Variants in TRAPPC9 observed in about 807,000 individuals in gnomAD.
TRAPPC9 encodes IKK2 binding protein.
In TRAPPC9, 83 loss-of-function variants were observed where a neutral mutation model predicts 124.0. The ratio of observed to expected loss-of-function variants is 0.67; its 90% CI spans 0.56 to 0.80. TRAPPC9 has a LOEUF of 0.80. Among genes scored for constraint, TRAPPC9 ranks in the 30% least tolerant of loss-of-function variants. The pLI is 0.00. For missense variants in TRAPPC9, 1,302 were observed against 1,508.3 expected (o/e 0.86, Z 2.27); for synonymous variants, 638 against 617.5 (o/e 1.03, Z -0.49).
intron 5 of TRAPPC9, among the ~76,000 whole-genome samples, chr8:140,422,195 T>C (rs1162810703): frequency 6.6e-6 from 1 of 151,442 alleles, no homozygotes; most frequent in Non-Finnish European, 1.5e-5. Flanking sequence ...TCCCCATTTA[T>C]AGACTAGGGA....
intron 16 of TRAPPC9, among the ~76,000 whole-genome samples, chr8:140,223,671 A>G (rs1463047332): frequency 6.6e-6 from 1 of 152,168 alleles, no homozygotes; most frequent in African/African-American, 2.4e-5. Context: ...ACTTAGGCCC[A>G]TGGCCCTATG....
chr8:140,343,502 C>T (rs768812338), intron 9 of TRAPPC9, among the ~76,000 whole-genome samples: 26 of 152,160 alleles, frequency 1.7e-4, no homozygotes, highest in Non-Finnish European at 2.8e-4. Context: ...CGCGAAAGGA[C>T]GCAGAATTCC....
At chr8:139,939,730 C>T (rs777549513) in intron 19 of TRAPPC9, among the ~76,000 whole-genome samples, 1 of 152,236 alleles carries the variant, frequency 6.6e-6, no homozygotes. Context: ...CTGGTCACAT[C>T]TGATCATGGC....
intron 17 of TRAPPC9, among the ~76,000 whole-genome samples, chr8:140,056,323 T>G (rs1842286975): frequency 6.6e-6 from 1 of 151,754 alleles, no homozygotes; most frequent in Non-Finnish European, 1.5e-5. Flanking sequence ...GGAGGAAGAA[T>G]GGCTTAAGTT....
chr8:140,402,521 C>G (rs2069314105), intron 6 of TRAPPC9, among the ~76,000 whole-genome samples: 1 of 152,050 alleles, frequency 6.6e-6, no homozygotes, highest in African/African-American at 2.4e-5. Flanking sequence ...TGGTAAAACC[C>G]CATCTCTACA....
rs1471984538 is a variant in TRAPPC9 at position 140,097,486 on chromosome 8, T to C, written c.2557-73407A>G. 6.6e-6 allele frequency: 1 copy of C among 152,188 alleles called. No homozygotes were observed. Among genetic ancestry groups the C allele is most frequent in the Non-Finnish European group, 1.5e-5 (1 of 68,098 alleles). The allele number at this position is 152,188 out of a possible 1,614,324, so 9.4% of individuals were successfully genotyped here. A position where few individuals can be genotyped will look rare whatever the true frequency, so the allele number is the denominator to read the frequency against. ...GCCTGTGTTGCCAGTCGCAGGGTAA[T>C]ACACTCGCCTGCATCGTGGGTGCCC... On this transcript the variant is annotated intron_variant, in intron 17 of 22. Coordinates refer to ENST00000438773, the MANE Select transcript of TRAPPC9 (RefSeq NM_001160372.4). The surrounding 1 kb of genome is among the most constrained non-coding windows in gnomAD (Gnocchi z 4.2).
chr8:139,862,641 C>T (rs775725192), intron 21 of TRAPPC9, among the ~76,000 whole-genome samples: 27 of 152,244 alleles, frequency 1.8e-4, no homozygotes, highest in Non-Finnish European at 2.2e-4. Context: ...ACGTGTGCTA[C>T]CAGACCTCTC....
chr8:139,751,870 C>T (rs542197932), intron 21 of TRAPPC9, among the ~76,000 whole-genome samples: 3 of 151,840 alleles, frequency 2.0e-5, no homozygotes, highest in African/African-American at 7.3e-5. Flanking sequence ...CATCCACTCA[C>T]CATCTACCCA....
At chr8:139,845,335 T>C (rs1465785688) in intron 21 of TRAPPC9, among the ~76,000 whole-genome samples, 1 of 152,154 alleles carries the variant, frequency 6.6e-6, no homozygotes, top group African/African-American at 2.4e-5. Context: ...TGTGCTCCAC[T>C]GCATTCCTGG....
intron 21 of TRAPPC9, among the ~76,000 whole-genome samples, chr8:139,811,604 CG>C (rs1282468963): frequency 6.6e-6 from 1 of 152,182 alleles, no homozygotes; most frequent in African/African-American, 2.4e-5. Context: ...ATCAGGAGCT[CG>C]GAATCTGGAT....
intron 17 of TRAPPC9, among the ~76,000 whole-genome samples, chr8:140,072,584 G>GAA (rs1843237287): frequency 2.6e-5 from 1 of 38,948 alleles, no homozygotes; most frequent in African/African-American, 9.4e-5. Flanking sequence ...AGGAGGAGGA[G>GAA]GAGAAGGGAA....
At chr8:139,950,458 C>T (rs1834562963) in intron 19 of TRAPPC9, among the ~76,000 whole-genome samples, 1 of 152,212 alleles carries the variant, frequency 6.6e-6, no homozygotes, top group South Asian at 2.1e-4. Flanking sequence ...GCTGATTTCA[C>T]AATGAGTAAA....
intron 17 of TRAPPC9, among the ~76,000 whole-genome samples, chr8:140,195,403 G>T (rs1323384758): frequency 6.6e-6 from 1 of 151,424 alleles, no homozygotes; most frequent in South Asian, 2.1e-4. Context: ...ATGATCCATT[G>T]TACAGATCGC....
At chr8:139,856,273 C>T (rs1827792765) in intron 21 of TRAPPC9, among the ~76,000 whole-genome samples, 1 of 152,154 alleles carries the variant, frequency 6.6e-6, no homozygotes, top group Non-Finnish European at 1.5e-5. Flanking sequence ...GACTGAATTT[C>T]AGCATACCTC....
intron 21 of TRAPPC9, among the ~76,000 whole-genome samples, chr8:139,809,816 T>C (rs950142594): frequency 1.3e-5 from 2 of 152,154 alleles, no homozygotes; most frequent in African/African-American, 4.8e-5. Context: ...ACCACCCTGC[T>C]GAGCCACCAG....
chr8:139,774,796 G>A (rs1471028008), intron 21 of TRAPPC9, among the ~76,000 whole-genome samples: 1 of 152,188 alleles, frequency 6.6e-6, no homozygotes, highest in Non-Finnish European at 1.5e-5. Context: ...CTCTCCAGTG[G>A]ACAGGTAAGG....
chr8:140,295,226 A>T (rs2065774672), intron 11 of TRAPPC9, among the ~76,000 whole-genome samples: 1 of 152,248 alleles, frequency 6.6e-6, no homozygotes, highest in South Asian at 2.1e-4. Flanking sequence ...CACATAGCAC[A>T]GGGCATATAA....
At chr8:139,890,561 C>T (rs568424879) in intron 20 of TRAPPC9, among the ~76,000 whole-genome samples, 28 of 152,260 alleles carry the variant, frequency 1.8e-4, no homozygotes, top group East Asian at 1.2e-3. Context: ...CCTGGCTGGG[C>T]GACGAGGGGT....
intron 18 of TRAPPC9, among the ~76,000 whole-genome samples, chr8:139,995,651 T>G (rs1837916966): frequency 6.6e-6 from 1 of 152,018 alleles, no homozygotes; most frequent in African/African-American, 2.4e-5. Context: ...AGGAGATTGA[T>G]TCAGAGAGCA....
Sources: gnomAD v4.1 joint callset for allele counts (sites outside exome capture counted in the v4.1 genomes callset) on GRCh38, gnomAD v4.1.1 for gene constraint, Gnocchi (gnomAD v3.1) non-coding constraint, MANE v1.5 for transcripts, NCBI Gene and HGNC (gene_info 2026-07-23, HGNC 2026-07-21) for gene names.